MAD1L1: variants seen among roughly 807,000 people sequenced by gnomAD.
The protein encoded by MAD1L1 is mitotic arrest deficient 1 like 1.
MAD1L1 carries 95 observed loss-of-function variants against 96.9 expected under a neutral mutation model. The observed-to-expected ratio is 0.98, with a 90% CI of 0.83 to 1.16. The LOEUF is 1.16. Among genes scored for constraint, MAD1L1 ranks in the 50% most tolerant of loss-of-function variants. The probability of loss-of-function intolerance (pLI) is 0.00; values close to 1 mark genes in which losing one functional copy is unlikely to be tolerated. For missense variants in MAD1L1, 1,007 were observed against 954.4 expected, an observed-to-expected ratio of 1.06 and a Z score of -0.73; for synonymous variants, 473 against 396.6, an observed-to-expected ratio of 1.19 and a Z score of -2.29.
chr7:1,892,029 G>C (rs1048036934), intron 18 of MAD1L1, among the ~76,000 whole-genome samples: 2 of 152,086 alleles, frequency 1.3e-5, no homozygotes. Context: ...CAGAGCACCC[G>C]CCAGCCCTGC....
intron 11 of MAD1L1, among the ~76,000 whole-genome samples, chr7:2,069,719 G>A (rs1388541111): frequency 1.3e-5 from 2 of 152,208 alleles, no homozygotes; most frequent in Non-Finnish European, 2.9e-5. Context: ...AGCGCCAGGC[G>A]CCTGGTTGGG....
At chr7:1,996,037 G>C (rs1299155511) in intron 14 of MAD1L1, among the ~76,000 whole-genome samples, 1 of 152,252 alleles carries the variant, frequency 6.6e-6, no homozygotes, top group Non-Finnish European at 1.5e-5. Context: ...GCACTGACGA[G>C]GGGCTCACAG....
At chr7:2,127,627 G>A (rs934588122) in intron 11 of MAD1L1, among the ~76,000 whole-genome samples, 1 of 152,144 alleles carries the variant, frequency 6.6e-6, no homozygotes, top group African/African-American at 2.4e-5. Context: ...AAGAGAGGAG[G>A]AGACCCACAG....
At chr7:1,878,454 G>C (rs1785497628) in intron 18 of MAD1L1, among the ~76,000 whole-genome samples, 1 of 151,812 alleles carries the variant, frequency 6.6e-6, no homozygotes, top group Non-Finnish European at 1.5e-5. Context: ...TGTATAAAAA[G>C]GGACCCAGTG....
At chr7:2,072,473 G>A (rs1435575102) in intron 11 of MAD1L1, among the ~76,000 whole-genome samples, 3 of 152,180 alleles carry the variant, frequency 2.0e-5, no homozygotes, top group Admixed American at 1.3e-4. Flanking sequence ...TAAAAAGCAG[G>A]CACAAAGCTC....
rs148969722 is a variant in MAD1L1, at chr7:1,839,533, C to T, written c.1999-23305G>A. On this transcript the variant is annotated intron_variant, in intron 18 of 18. Coordinates refer to ENST00000265854, the MANE Select transcript of MAD1L1 (RefSeq NM_001013836.2). ...ACCCCCAGCCTCTTCACAAAGGCTC[C>T]AAAAACAGAATGTCGTGGAGAACTG... 7.5e-3 allele frequency among the ~76,000 whole-genome samples: 1,146 copies of T among 152,264 alleles called. 15 individuals carry two copies. The highest frequency in any genetic ancestry group is 0.026 in the African/African-American group (1,082 of 41,562).
At chr7:2,125,663 C>A (rs944628679) in intron 11 of MAD1L1, among the ~76,000 whole-genome samples, 4 of 152,212 alleles carry the variant, frequency 2.6e-5, no homozygotes, top group Non-Finnish European at 5.9e-5. Context: ...CAGTGAGCCA[C>A]TGGCCCTCTC....
At chr7:2,073,459 C>T (rs1273643608) in intron 11 of MAD1L1, among the ~76,000 whole-genome samples, 2 of 152,180 alleles carry the variant, frequency 1.3e-5, no homozygotes, top group Non-Finnish European at 2.9e-5. Context: ...CTCCTCTTGC[C>T]CCTACCCTTA....
chr7:2,136,176 C>G (rs1052537003), intron 11 of MAD1L1, among the ~76,000 whole-genome samples: 2 of 152,152 alleles, frequency 1.3e-5, no homozygotes, highest in African/African-American at 4.8e-5. Flanking sequence ...GTTTCTCGGC[C>G]ACAGTATTAA....
chr7:2,016,489 C>A (rs570117743), intron 12 of MAD1L1, among the ~76,000 whole-genome samples: 1 of 152,304 alleles, frequency 6.6e-6, no homozygotes. Context: ...ACAAGCTGAG[C>A]CCCCGCCCAG....
rs542035485 is a variant in MAD1L1, at chr7:1,865,706, C to G, written c.1998+32494G>C. Among the ~76,000 whole-genome samples, 3 of 152,382 alleles carry G rather than the reference C, an allele frequency of 2.0e-5. No individual in the cohort carries two copies. The South Asian group carries it at 6.2e-4, about 32-fold the overall frequency. ...TGCCTTCCACAAACTTTGATGTGAA[C>G]TAATTAAGTTTGCACAGTTAATCAG... On this transcript the variant is annotated intron_variant, in intron 18 of 18. Transcript: ENST00000265854.
intron 10 of MAD1L1, among the ~76,000 whole-genome samples, chr7:2,151,468 C>T (rs1455960142): frequency 1.3e-5 from 2 of 152,208 alleles, no homozygotes; most frequent in African/African-American, 4.8e-5. Context: ...CAGTACCAGG[C>T]CCCAGGGTTC....
chr7:2,171,074 A>T (rs996412974), intron 10 of MAD1L1, among the ~76,000 whole-genome samples: 1 of 152,202 alleles, frequency 6.6e-6, no homozygotes, highest in African/African-American at 2.4e-5. Flanking sequence ...AAACGGCCCA[A>T]TTTTCCTTGC....
At chr7:1,978,763 C>T (rs1780760203) in intron 15 of MAD1L1, among the ~76,000 whole-genome samples, 2 of 152,196 alleles carry the variant, frequency 1.3e-5, no homozygotes, top group African/African-American at 4.8e-5. Context: ...GCCCCCAGGT[C>T]CCCGAGACAT....
At chr7:2,081,321 A>G (rs1292570540) in intron 11 of MAD1L1, among the ~76,000 whole-genome samples, 1 of 152,182 alleles carries the variant, frequency 6.6e-6, no homozygotes, top group Non-Finnish European at 1.5e-5. Flanking sequence ...CATAGGTTCT[A>G]GCGAAAGTCC....
chr7:2,139,386 G>A (rs1428503103), intron 11 of MAD1L1, among the ~76,000 whole-genome samples: 2 of 152,112 alleles, frequency 1.3e-5, no homozygotes, highest in African/African-American at 4.8e-5. Flanking sequence ...CGGGCCCCAG[G>A]ACGCACACTG....
chr7:2,048,946 T>C (rs922998389), intron 12 of MAD1L1, among the ~76,000 whole-genome samples: 1 of 152,246 alleles, frequency 6.6e-6, no homozygotes, highest in Non-Finnish European at 1.5e-5. Flanking sequence ...CAGGGTCCCA[T>C]CTTATTTTTA....
intron 11 of MAD1L1, among the ~76,000 whole-genome samples, chr7:2,075,018 G>C (rs539744000): frequency 6.6e-6 from 1 of 152,174 alleles, no homozygotes; most frequent in Non-Finnish European, 1.5e-5. Context: ...AACCAGGAAC[G>C]GCCTCTGCAC....
intron 12 of MAD1L1, among the ~76,000 whole-genome samples, chr7:2,066,642 G>T (rs1383831740): frequency 6.6e-6 from 1 of 152,196 alleles, no homozygotes; most frequent in Non-Finnish European, 1.5e-5. Flanking sequence ...CCATCAAAGA[G>T]CAACGGCAGG....
Sources: gnomAD v4.1 joint callset for allele counts (sites outside exome capture counted in the v4.1 genomes callset) on GRCh38, gnomAD v4.1.1 for gene constraint, MANE v1.5 for transcripts, NCBI Gene and HGNC (gene_info 2026-07-23, HGNC 2026-07-21) for gene names.